Variants in CCSER2 observed in about 807,000 individuals in gnomAD.
CCSER2 encodes the protein serine-rich coiled-coil domain-containing protein 2.
In CCSER2, 46 loss-of-function variants were observed where a neutral mutation model predicts 92.3. That is an observed-to-expected ratio of 0.50 (90% CI 0.39 to 0.64). CCSER2 has a LOEUF of 0.64. CCSER2 is among the 30% of genes least tolerant of loss of function. CCSER2 has a pLI of 0.00. For missense variants in CCSER2, 1,244 were observed against 1,238.9 expected (o/e 1.00, Z -0.06); for synonymous variants, 433 against 431.4 (o/e 1.00, Z -0.04).
chr10:84,357,257 C>G (rs1167860189), intron 1 of CCSER2, among the ~76,000 whole-genome samples: 2 of 152,116 alleles, frequency 1.3e-5, no homozygotes, highest in Non-Finnish European at 2.9e-5. Context: ...TGTGTAAACA[C>G]ATGTCTGTTA....
chr10:84,499,358 A>C (rs1392509061), intron 9 of CCSER2, among the ~76,000 whole-genome samples: 1 of 151,596 alleles, frequency 6.6e-6, no homozygotes. Flanking sequence ...CTGGTCTTCA[A>C]CTCCTGACCT....
intron 3 of CCSER2, among the ~76,000 whole-genome samples, chr10:84,384,717 G>A (rs977443853): frequency 6.6e-6 from 1 of 152,020 alleles, no homozygotes; most frequent in Non-Finnish European, 1.5e-5. Context: ...GGAACAAGAC[G>A]AGGATATCCA....
intron 3 of CCSER2, chr10:84,391,965 G>A: frequency 7.4e-7 from 1 of 1,352,692 alleles, no homozygotes; most frequent in Non-Finnish European, 1.1e-6. Context: ...TAAAAATCAA[G>A]TAGGCGATAA....
chr10:84,352,026 C>T (rs945914681), intron 1 of CCSER2, among the ~76,000 whole-genome samples: 2 of 152,048 alleles, frequency 1.3e-5, no homozygotes, highest in African/African-American at 4.8e-5. Flanking sequence ...GTAGGCTGGC[C>T]GCGGTGGCTC....
chr10:84,409,523 C>T (rs1450499694), intron 3 of CCSER2, among the ~76,000 whole-genome samples: 49 of 151,652 alleles, frequency 3.2e-4, no homozygotes, highest in Non-Finnish European at 2.9e-5. Flanking sequence ...TTTTTATTTT[C>T]ATAAAATGGT....
intron 9 of CCSER2, among the ~76,000 whole-genome samples, chr10:84,505,627 T>C (rs1394414301): frequency 1.3e-5 from 2 of 152,196 alleles, no homozygotes; most frequent in African/African-American, 2.4e-5. Context: ...ATTTCGTGTA[T>C]GCTCATTTTT....
Position 84,338,767 on chromosome 10 carries a change from T to C in CCSER2, c.-40+9959T>C, listed in dbSNP as rs1374976927. 4.6e-5 allele frequency among the ~76,000 whole-genome samples: 7 copies of C among 152,232 alleles called. No individual in the cohort carries two copies. The East Asian group carries it at 1.2e-3, about 25-fold the overall frequency. ...CCACCCCTTTTTTTCCTAATGTACC[T>C]GATCTCATTTTACTGTAACTGCTTA... On this transcript the variant is annotated intron_variant, in intron 1 of 9. Transcript: ENST00000372088.
intron 6 of CCSER2, among the ~76,000 whole-genome samples, chr10:84,461,873 T>C (rs368509921): frequency 6.6e-5 from 10 of 152,332 alleles, no homozygotes; most frequent in Admixed American, 2.0e-4. Flanking sequence ...ATATTAGATA[T>C]TTGAACGTTG....
At chr10:84,341,150 C>G (rs1248971897) in intron 1 of CCSER2, among the ~76,000 whole-genome samples, 2 of 148,104 alleles carry the variant, frequency 1.4e-5, no homozygotes, top group African/African-American at 2.5e-5. Context: ...AAGTGATGTG[C>G]CCTCCCGAGT....
chr10:84,349,453 G>A (rs972097537), intron 1 of CCSER2, among the ~76,000 whole-genome samples: 16 of 151,812 alleles, frequency 1.1e-4, no homozygotes, highest in African/African-American at 2.4e-5. Flanking sequence ...GGTCACTTGA[G>A]CTCCGGAGTT....
intron 3 of CCSER2, among the ~76,000 whole-genome samples, chr10:84,376,918 AT>A (rs1357350877): frequency 6.6e-6 from 1 of 151,834 alleles, no homozygotes; most frequent in Non-Finnish European, 1.5e-5. Flanking sequence ...TTTGTCTTGT[AT>A]TTTTTGATAA....
intron 1 of CCSER2, among the ~76,000 whole-genome samples, chr10:84,365,346 C>G (rs962380010): frequency 6.6e-6 from 1 of 152,146 alleles, no homozygotes; most frequent in Non-Finnish European, 1.5e-5. Flanking sequence ...AGCAGACTCA[C>G]AATGTCTATT....
intron 6 of CCSER2, among the ~76,000 whole-genome samples, chr10:84,457,550 A>C (rs1192579019): frequency 8.5e-6 from 1 of 117,292 alleles, no homozygotes; most frequent in Non-Finnish European, 1.6e-5. Flanking sequence ...TATATAATGT[A>C]TATTATTATA....
chr10:84,359,873 G>A (rs1344322076), intron 1 of CCSER2, among the ~76,000 whole-genome samples: 4 of 151,446 alleles, frequency 2.6e-5, no homozygotes, highest in African/African-American at 4.9e-5. Flanking sequence ...GAGTGCAGTC[G>A]TGCAATGTCA....
At chr10:84,344,996 T>G (rs1844401163) in intron 1 of CCSER2, among the ~76,000 whole-genome samples, 1 of 152,232 alleles carries the variant, frequency 6.6e-6, no homozygotes, top group Admixed American at 6.5e-5. Context: ...ACACAAGTAC[T>G]TAATAAATAT....
At chr10:84,445,642 T>C (rs760229814) in intron 6 of CCSER2, among the ~76,000 whole-genome samples, 2 of 152,218 alleles carry the variant, frequency 1.3e-5, no homozygotes, top group Non-Finnish European at 2.9e-5. Context: ...CCCATTCTCA[T>C]GGTGGCCAAT....
intron 1 of CCSER2, among the ~76,000 whole-genome samples, chr10:84,360,817 G>A (rs1362284676): frequency 2.6e-5 from 4 of 152,178 alleles, no homozygotes; most frequent in East Asian, 1.9e-4. Context: ...GAAGTCTTCC[G>A]GGTGATTCTG....
intron 7 of CCSER2, among the ~76,000 whole-genome samples, chr10:84,464,889 G>A (rs1256660400): frequency 6.6e-6 from 1 of 152,124 alleles, no homozygotes; most frequent in Non-Finnish European, 1.5e-5. Flanking sequence ...AATTAATAGG[G>A]CAGAAAAGCA....
rs112148812 is a variant in CCSER2, at chr10:84,503,226, C to CAA, written c.2326-10215_2326-10214dup. On this transcript the variant is annotated intron_variant, in intron 9 of 9. Coordinates refer to ENST00000372088, the MANE Select transcript of CCSER2 (RefSeq NM_001284240.2). Reference sequence around the variant, plus strand: ...TGGGCAACAGAGTGAGACTCTGTCTCAAAAAAAAAGAATATAGGAAAATAG... The same window carrying CAA: ...TGGGCAACAGAGTGAGACTCTGTCTCAAAAAAAAAAAGAATATAGGAAAATAG... Among the ~76,000 whole-genome samples the CAA allele has an allele frequency of 2.3e-3, 349 of 149,874 alleles. 1 individual carries two copies. Among genetic ancestry groups the CAA allele is most frequent in the Admixed American group, 4.7e-3 (71 of 15,104 alleles).
Sources: allele counts gnomAD v4.1 joint callset (sites outside exome capture counted in the v4.1 genomes callset), GRCh38; gene constraint gnomAD v4.1.1; transcripts MANE v1.5; gene names NCBI Gene and HGNC (gene_info 2026-07-23, HGNC 2026-07-21).